The following DGKB variants were observed in gnomAD, a reference collection of about 807,000 sequenced individuals.
The protein encoded by DGKB is 90 kDa diacylglycerol kinase.
DGKB carries 67 observed loss-of-function variants against 114.3 expected under a neutral mutation model. That is an observed-to-expected ratio of 0.59 (90% CI 0.48 to 0.72). The LOEUF (loss-of-function observed/expected upper bound fraction) is 0.72. Among genes scored for constraint, DGKB ranks in the 30% least tolerant of loss-of-function variants. The probability of loss-of-function intolerance (pLI) is 0.00; values close to 1 mark genes in which losing one functional copy is unlikely to be tolerated. For missense variants in DGKB, 907 were observed against 975.2 expected (o/e 0.93, Z 0.93); for synonymous variants, 398 against 323.1 (o/e 1.23, Z -2.49).
chr7:14,327,944 A>C lies in DGKB; in HGVS notation c.2122+10571T>G, dbSNP rs1318178732. ...CATGGTTAGCTTATTTCATGGCAAA[A>C]ACATGTTAAAATATGAAATGACTTC... On this transcript the variant is annotated intron_variant, in intron 23 of 25. Transcript: ENST00000402815. Among the ~76,000 whole-genome samples the C allele has an allele frequency of 3.9e-5, 6 of 152,234 alleles. No homozygotes were observed. The South Asian group carries it at 8.3e-4, about 21-fold the overall frequency.
intron 20 of DGKB, among the ~76,000 whole-genome samples, chr7:14,499,847 T>A: frequency 7.1e-6 from 1 of 141,714 alleles, no homozygotes; most frequent in Admixed American, 6.8e-5. Flanking sequence ...TGATTAAATA[T>A]TTTCCAAATG....
chr7:14,249,506 C>A (rs1056767384), intron 23 of DGKB, among the ~76,000 whole-genome samples: 1 of 152,116 alleles, frequency 6.6e-6, no homozygotes, highest in East Asian at 1.9e-4. Context: ...ATTACTGATT[C>A]AATCTCCTTA....
At chr7:14,283,026 G>T (rs1343911647) in intron 23 of DGKB, among the ~76,000 whole-genome samples, 1 of 151,810 alleles carries the variant, frequency 6.6e-6, no homozygotes, top group Non-Finnish European at 1.5e-5. Flanking sequence ...AATTAGTCAG[G>T]AGAAGGAAAT....
At chr7:14,840,772 T>TCC (rs1261993858) in intron 2 of DGKB, among the ~76,000 whole-genome samples, 1 of 151,064 alleles carries the variant, frequency 6.6e-6, no homozygotes, top group Non-Finnish European at 1.5e-5. Flanking sequence ...CCTCTTGATA[T>TCC]CTATGAGTCA....
intron 2 of DGKB, among the ~76,000 whole-genome samples, chr7:14,767,110 C>A (rs1310708521): frequency 6.6e-6 from 1 of 150,582 alleles, no homozygotes; most frequent in African/African-American, 2.4e-5. Flanking sequence ...AGTAGCTGGA[C>A]TGCAAGAAGT....
rs532186177 is a variant in DGKB, at chr7:14,630,460, C to A, written c.1135-192G>T. 6.6e-6 allele frequency among the ~76,000 whole-genome samples: 1 copy of A among 152,064 alleles called. No individual in the cohort carries two copies. The highest frequency in any genetic ancestry group is 2.1e-4 in the South Asian group (1 of 4,832). On this transcript the variant is annotated intron_variant, in intron 13 of 25. Coordinates refer to ENST00000402815, the MANE Select transcript of DGKB (RefSeq NM_001350709.2). ...TTTCATTGAATAAGAAATTATCTAA[C>A]ACAGAGTGGGTTAGGTTGTGAAATT... is the stretch of plus-strand genomic sequence containing the variant.
chr7:14,774,641 A>T (rs1193576800), intron 2 of DGKB, among the ~76,000 whole-genome samples: 1 of 152,192 alleles, frequency 6.6e-6, no homozygotes, highest in Non-Finnish European at 1.5e-5. Flanking sequence ...CTTAGAATAT[A>T]TATAGTCATA....
intron 2 of DGKB, among the ~76,000 whole-genome samples, chr7:14,826,472 A>G (rs781074697): frequency 4.6e-5 from 7 of 152,022 alleles, no homozygotes; most frequent in Non-Finnish European, 7.4e-5. Context: ...CCTGGTCCCT[A>G]TATTCATTTT....
At chr7:14,971,362 T>C (rs1454798397) in intron 1 of DGKB, among the ~76,000 whole-genome samples, 1 of 152,126 alleles carries the variant, frequency 6.6e-6, no homozygotes, top group Non-Finnish European at 1.5e-5. Flanking sequence ...GGAAATCAAG[T>C]TTCCTACCTC....
chr7:14,311,304 G>C (rs527691328), intron 23 of DGKB, among the ~76,000 whole-genome samples: 122 of 152,272 alleles, frequency 8.0e-4, no homozygotes, highest in African/African-American at 2.9e-3. Context: ...TGTTTTCCAA[G>C]ATCTTCCAAG....
At chr7:14,220,085 G>T (rs375801316) in intron 23 of DGKB, among the ~76,000 whole-genome samples, 1 of 151,548 alleles carries the variant, frequency 6.6e-6, no homozygotes. Flanking sequence ...GGCTAAATGG[G>T]ATAGTCTATT....
In DGKB at chr7:14,315,156, C is replaced by T. The variant is rs1221492608; in HGVS notation, c.2122+23359G>A. The stretch of plus-strand genomic sequence containing the variant: ...AGCGCTAAACATGGAAAGGAACAAC[C>T]GGTACCAGCCGCTGCAAAATCATGC... On this transcript the variant is annotated intron_variant, in intron 23 of 25. Transcript: ENST00000402815. Among the ~76,000 whole-genome samples, 11 of 142,436 alleles carry T rather than the reference C, an allele frequency of 7.7e-5. No homozygotes were observed. The East Asian group carries it at 8.4e-4, about 11-fold the overall frequency. The allele number at this position is 142,436 out of a possible 152,430, so 93.4% of individuals were successfully genotyped here.
chr7:14,470,424 T>C (rs899597786), intron 21 of DGKB, among the ~76,000 whole-genome samples: 3 of 151,876 alleles, frequency 2.0e-5, no homozygotes, highest in African/African-American at 7.2e-5. Flanking sequence ...TTGTCTTGAC[T>C]GAGGCAAAAG....
intron 6 of DGKB, among the ~76,000 whole-genome samples, chr7:14,712,094 A>T (rs1229519742): frequency 6.6e-6 from 1 of 152,206 alleles, no homozygotes; most frequent in Non-Finnish European, 1.5e-5. Flanking sequence ...ACACATAAGG[A>T]TCAAGCTGAG....
At chr7:14,449,201 G>C (rs1317256519) in intron 21 of DGKB, among the ~76,000 whole-genome samples, 2 of 152,046 alleles carry the variant, frequency 1.3e-5, no homozygotes, top group African/African-American at 4.8e-5. Flanking sequence ...ATTTTAGTAA[G>C]TAATTTTTCC....
chr7:14,429,253 G>A (rs1490991880), intron 21 of DGKB, among the ~76,000 whole-genome samples: 2 of 152,118 alleles, frequency 1.3e-5, no homozygotes, highest in Non-Finnish European at 2.9e-5. Context: ...TAGGTCTTGA[G>A]GATGGAGCCC....
intron 2 of DGKB, among the ~76,000 whole-genome samples, chr7:14,835,708 T>G (rs893876530): frequency 3.3e-5 from 5 of 152,186 alleles, no homozygotes; most frequent in African/African-American, 1.2e-4. Context: ...CTCTCCCCTT[T>G]CAGGACCGAG....
At chr7:14,891,321 C>T (rs2128225708) in intron 1 of DGKB, among the ~76,000 whole-genome samples, 1 of 151,518 alleles carries the variant, frequency 6.6e-6, no homozygotes, top group African/African-American at 2.4e-5. Context: ...TATGAGATAA[C>T]TCATCATCCC....
At chr7:14,893,752 C>G (rs553875035) in intron 1 of DGKB, among the ~76,000 whole-genome samples, 1 of 151,350 alleles carries the variant, frequency 6.6e-6, no homozygotes, top group East Asian at 1.9e-4. Context: ...GAGTAAATTT[C>G]TATTCTTCCC....
Sources: gnomAD v4.1 joint callset for allele counts (sites outside exome capture counted in the v4.1 genomes callset) on GRCh38, gnomAD v4.1.1 for gene constraint, MANE v1.5 for transcripts, NCBI Gene and HGNC (gene_info 2026-07-23, HGNC 2026-07-21) for gene names.